Variants in BACH2 observed in about 807,000 individuals in gnomAD.
BACH2 encodes the protein BACH transcriptional regulator 2.
Under a neutral mutation model 61.8 loss-of-function variants are expected in BACH2, and 5 were observed. That is an observed-to-expected ratio of 0.08 (90% CI 0.04 to 0.17). BACH2 has a LOEUF of 0.17. Among genes scored for constraint, BACH2 ranks in the 10% least tolerant of loss-of-function variants. The probability of loss-of-function intolerance (pLI) is 1.00; values close to 1 mark genes in which losing one functional copy is unlikely to be tolerated. For missense variants in BACH2, 824 were observed against 1,091.1 expected (o/e 0.76, Z 3.45); for synonymous variants, 446 against 440.1 (o/e 1.01, Z -0.17).
At chr6:90,005,972 G>C (rs866508198) in intron 6 of BACH2, among the ~76,000 whole-genome samples, 2 of 152,236 alleles carry the variant, frequency 1.3e-5, no homozygotes, top group Middle Eastern at 3.4e-3. Context: ...TCACTTAAAA[G>C]GCCAAATAGA....
chr6:90,155,659 A>G (rs1046359512), intron 4 of BACH2, among the ~76,000 whole-genome samples: 3 of 152,230 alleles, frequency 2.0e-5, no homozygotes, highest in Admixed American at 6.5e-5. Context: ...TTAAAACTGC[A>G]GCCTCTTCCT....
At position 90,027,205 on chromosome 6, in the gene BACH2, T is replaced by C. The variant is rs1778679634; in HGVS notation, c.-12-18349A>G. Among the ~76,000 whole-genome samples, 3 of 152,046 alleles carry C rather than the reference T, an allele frequency of 2.0e-5. No homozygotes were observed. In the South Asian group the frequency reaches 6.2e-4, roughly 32 times the overall value. ...TGGAACTGGAATGTTAACACGCAGG[T>C]CAAATGCCCTTCAGAGAACACGGGG... On this transcript the variant is annotated intron_variant, in intron 5 of 8. Transcript: ENST00000257749.
intron 2 of BACH2, among the ~76,000 whole-genome samples, chr6:90,266,615 C>G (rs1484242220): frequency 6.6e-6 from 1 of 151,986 alleles, no homozygotes; most frequent in African/African-American, 2.4e-5. Flanking sequence ...TACAAATGAA[C>G]CTCAAAAATG....
chr6:90,191,518 T>C (rs891789360), intron 4 of BACH2, among the ~76,000 whole-genome samples: 3 of 152,216 alleles, frequency 2.0e-5, no homozygotes, highest in Non-Finnish European at 1.5e-5. Context: ...TCGAATTCAA[T>C]TCAACAAATA....
chr6:90,133,126 C>G (rs1344249208), intron 4 of BACH2, among the ~76,000 whole-genome samples: 2 of 152,154 alleles, frequency 1.3e-5, no homozygotes, highest in East Asian at 3.8e-4. Context: ...ATCATAGCTC[C>G]CAGAAGATTA....
chr6:89,960,624 T>TG (rs1160267407), intron 6 of BACH2, among the ~76,000 whole-genome samples: 3 of 152,260 alleles, frequency 2.0e-5, no homozygotes, highest in Non-Finnish European at 2.9e-5. Context: ...ATAACTGCTG[T>TG]GTCCCTTTCC....
intron 1 of BACH2, among the ~76,000 whole-genome samples, chr6:90,284,529 A>G (rs1481905909): frequency 6.6e-6 from 1 of 152,202 alleles, no homozygotes; most frequent in Admixed American, 6.5e-5. Flanking sequence ...TCCTTTCTGC[A>G]TTCAGGGAGG....
At chr6:90,222,796 C>G (rs1158941975) in intron 3 of BACH2, among the ~76,000 whole-genome samples, 1 of 152,102 alleles carries the variant, frequency 6.6e-6, no homozygotes, top group Non-Finnish European at 1.5e-5. Flanking sequence ...ATCATCTGCT[C>G]TTAGTCATCC....
chr6:90,140,432 T>C (rs1328488370), intron 4 of BACH2, among the ~76,000 whole-genome samples: 1 of 152,150 alleles, frequency 6.6e-6, no homozygotes, highest in Non-Finnish European at 1.5e-5. Flanking sequence ...AAGAACACAA[T>C]TACAGTAAAC....
intron 5 of BACH2, among the ~76,000 whole-genome samples, chr6:90,016,272 T>C (rs1048300625): frequency 2.0e-5 from 3 of 152,220 alleles, no homozygotes; most frequent in Non-Finnish European, 4.4e-5. Flanking sequence ...AATGTGACAA[T>C]TGATTTGGCT....
intron 6 of BACH2, among the ~76,000 whole-genome samples, chr6:89,990,617 T>G (rs977925974): frequency 1.3e-5 from 2 of 151,880 alleles, no homozygotes. Context: ...CTGGTCTCTC[T>G]CCTCCCAATA....
intron 5 of BACH2, among the ~76,000 whole-genome samples, chr6:90,011,930 ATATG>A (rs1211561408): frequency 5.1e-5 from 5 of 98,770 alleles, no homozygotes; most frequent in African/African-American, 9.4e-5. Context: ...AAAAAAAAAA[ATATG>A]TGTGTGTGTG....
intron 4 of BACH2, among the ~76,000 whole-genome samples, chr6:90,091,365 A>C (rs150220488): frequency 3.6e-4 from 55 of 152,288 alleles, no homozygotes; most frequent in African/African-American, 1.2e-3. Context: ...GTTATATAAC[A>C]CAAAACAGGT....
intron 5 of BACH2, among the ~76,000 whole-genome samples, chr6:90,069,776 A>G (rs6922825): frequency 0.44 from 66,674 of 152,094 alleles, 17,167 homozygotes; most frequent in East Asian, 0.82. Flanking sequence ...GGAAATTAGT[A>G]GGAGATAAAG....
chr6:90,097,972 C>A (rs1200555607), intron 4 of BACH2, among the ~76,000 whole-genome samples: 1 of 152,168 alleles, frequency 6.6e-6, no homozygotes, highest in East Asian at 1.9e-4. Flanking sequence ...CTGTGAGACA[C>A]CATGTGAAAA....
rs59314586 is a variant in BACH2 at position 90,214,771 on chromosome 6, T to G, written c.-274-8090A>C. On this transcript the variant is annotated intron_variant, in intron 3 of 8. Coordinates refer to ENST00000257749, the MANE Select transcript of BACH2 (RefSeq NM_021813.4). ...TGTTCCTTTTTTTTTTTTTTTTTTT[T>G]TTTTTTCTGAGACAGGGTCTCACTC... 5.8e-3 allele frequency among the ~76,000 whole-genome samples: 820 copies of G among 141,986 alleles called. 6 individuals carry two copies. Among genetic ancestry groups the G allele is most frequent in the African/African-American group, 0.021 (776 of 36,794 alleles). The allele number at this position is 141,986 out of a possible 152,430, so 93.1% of individuals were successfully genotyped here.
At chr6:90,163,275 G>GT (rs1201583381) in intron 4 of BACH2, among the ~76,000 whole-genome samples, 5 of 152,022 alleles carry the variant, frequency 3.3e-5, no homozygotes, top group Non-Finnish European at 2.9e-5. Flanking sequence ...CCACAGTGGC[G>GT]TTTTTTTACT....
intron 4 of BACH2, among the ~76,000 whole-genome samples, chr6:90,117,463 CTT>C (rs3072652): frequency 1.1e-4 from 15 of 141,644 alleles, no homozygotes; most frequent in African/African-American, 2.6e-4. Flanking sequence ...GTTAGCTTGA[CTT>C]TTTTTTTTTT....
intron 4 of BACH2, among the ~76,000 whole-genome samples, chr6:90,198,017 A>C (rs1034467668): frequency 1.2e-4 from 18 of 152,232 alleles, no homozygotes; most frequent in Non-Finnish European, 2.9e-5. Context: ...AGGCCGAGGC[A>C]GACATCTAGT....
Sources: gnomAD v4.1 joint callset for allele counts (sites outside exome capture counted in the v4.1 genomes callset) on GRCh38, gnomAD v4.1.1 for gene constraint, MANE v1.5 for transcripts, NCBI Gene and HGNC (gene_info 2026-07-23, HGNC 2026-07-21) for gene names.